Variants in CFAP70 observed in about 807,000 individuals in gnomAD.
CFAP70 encodes the protein cilia- and flagella-associated protein 70.
In CFAP70, 81 loss-of-function variants were observed where a neutral mutation model predicts 137.6. The observed-to-expected ratio is 0.59, with a 90% CI of 0.49 to 0.71. The LOEUF (loss-of-function observed/expected upper bound fraction) is 0.71. Among genes scored for constraint, CFAP70 ranks in the 30% least tolerant of loss-of-function variants. The pLI, the probability that CFAP70 is intolerant of heterozygous loss-of-function variation, is 0.00. For missense variants in CFAP70, 976 were observed against 1,226.7 expected (o/e 0.80, Z 3.05); for synonymous variants, 382 against 423.6 (o/e 0.90, Z 1.20).
Position 73,264,621 on chromosome 10 carries a change from T to C in CFAP70, c.3027+4993A>G, listed in dbSNP as rs947239796. On this transcript the variant is annotated intron_variant, in intron 25 of 26. Transcript: ENST00000310715. Reference sequence around the variant, plus strand: ...TAGTAATTTCAGAACTGCTAACTCATGACTTTGCAAAAATGAAGCCTAAAA... The same window carrying C: ...TAGTAATTTCAGAACTGCTAACTCACGACTTTGCAAAAATGAAGCCTAAAA... Among the ~76,000 whole-genome samples, 9 of 152,330 alleles carry C rather than the reference T, an allele frequency of 5.9e-5. No individual in the cohort carries two copies. In the East Asian group the frequency reaches 1.3e-3, roughly 23 times the overall value.
chr10:73,261,737 G>C (rs7894493), intron 25 of CFAP70, among the ~76,000 whole-genome samples: 15,522 of 151,768 alleles, frequency 0.1, 1,124 homozygotes, highest in East Asian at 0.29. Flanking sequence ...AAACTCCCAG[G>C]CTCAAGCGAT....
intron 10 of CFAP70, 83 bp from the exon 12 acceptor site, chr10:73,311,997 C>A: frequency 9.9e-7 from 1 of 1,011,918 alleles, no homozygotes; most frequent in Admixed American, 2.0e-5. Context: ...TACACTGCAT[C>A]AAAATGCAAA....
chr10:73,343,436 T>C (rs1023218575), intron 5 of CFAP70, among the ~76,000 whole-genome samples: 13 of 151,154 alleles, frequency 8.6e-5, no homozygotes, highest in African/African-American at 2.9e-4. Context: ...GGGCTGGGTG[T>C]GGTGGCTCAC....
chr10:73,291,279 G>A, exon 19 of CFAP70: 2 of 1,614,132 alleles, frequency 1.2e-6, no homozygotes, highest in Non-Finnish European at 1.7e-6. Context: ...GATTCCCCAA[G>A]GGCCTAAACT....
intron 19 of CFAP70, 29 bp downstream of exon 20, chr10:73,291,197 C>G (rs780016107): frequency 1.2e-6 from 2 of 1,605,366 alleles, no homozygotes; most frequent in Non-Finnish European, 1.7e-6. Context: ...TTCTAATAGC[C>G]ACTCTTCACC....
intron 11 of CFAP70, 91 bp downstream of exon 12, chr10:73,311,743 A>T (rs2049938275): frequency 3.9e-6 from 4 of 1,030,918 alleles, no homozygotes; most frequent in Non-Finnish European, 6.1e-6. Context: ...GATAACTAAC[A>T]TCCTGCCTGA....
intron 9 of CFAP70, among the ~76,000 whole-genome samples, chr10:73,320,217 A>G (rs2050730720): frequency 1.3e-5 from 2 of 152,162 alleles, no homozygotes; most frequent in South Asian, 2.1e-4. Context: ...TCATATCTTT[A>G]ATATTCATTT....
At chr10:73,253,865 T>A in exon 27 of CFAP70, 1 of 809,572 alleles carries the variant, frequency 1.2e-6, no homozygotes, top group Non-Finnish European at 1.9e-6. Context: ...GGGTCTCTGT[T>A]TATAGTGAAG....
chr10:73,311,282 G>A (rs1013085115), intron 11 of CFAP70, among the ~76,000 whole-genome samples: 5 of 152,098 alleles, frequency 3.3e-5, no homozygotes, highest in African/African-American at 1.2e-4. Flanking sequence ...CTCTCAAGCT[G>A]TTCCCTGGCT....
chr10:73,342,745 A>G (rs999220728), intron 5 of CFAP70, among the ~76,000 whole-genome samples: 1 of 152,164 alleles, frequency 6.6e-6, no homozygotes. Flanking sequence ...ACAAAAAAAG[A>G]GTTATATTTT....
chr10:73,254,169 G>T, intron 26 of CFAP70, 114 bp from the exon 28 acceptor site: 1 of 743,516 alleles, frequency 1.3e-6, no homozygotes, highest in Non-Finnish European at 2.0e-6. Context: ...TCCCTGGGAT[G>T]GAATTGGCTC....
intron 11 of CFAP70, among the ~76,000 whole-genome samples, chr10:73,311,149 G>C (rs1312407878): frequency 6.6e-6 from 1 of 152,276 alleles, no homozygotes; most frequent in African/African-American, 2.4e-5. Context: ...TCCATTACCT[G>C]ATTCAGCCTC....
rs185905384 is a variant in CFAP70, at chr10:73,356,348, G to A, written c.-39-1513C>T. 4.3e-3 allele frequency among the ~76,000 whole-genome samples: 657 copies of A among 151,868 alleles called. 5 individuals carry two copies. The highest frequency in any genetic ancestry group is 7.8e-3 in the Non-Finnish European group (531 of 67,948). On this transcript the variant is annotated intron_variant, in intron 1 of 26. Transcript: ENST00000310715. ...TGAGTAGCTGGGACTACAGGCATGC[G>A]CCACCACGCCCAGCTAATTTTTGTA...
chr10:73,360,783 G>A (rs1243364473), upstream of CFAP70, among the ~76,000 whole-genome samples: 1 of 152,094 alleles, frequency 6.6e-6, no homozygotes, highest in Non-Finnish European at 1.5e-5. Context: ...TATCCCACTT[G>A]CAAATGACAG....
At chr10:73,341,954 C>T (rs1266019418) in intron 5 of CFAP70, among the ~76,000 whole-genome samples, 1 of 152,166 alleles carries the variant, frequency 6.6e-6, no homozygotes, top group Non-Finnish European at 1.5e-5. Flanking sequence ...TACTGATTCC[C>T]TCATTAATTA....
Position 73,265,979 on chromosome 10 carries a change from T to TA in CFAP70, c.3027+3634dup, listed in dbSNP as rs149132350. Among the ~76,000 whole-genome samples, 428 of 152,252 alleles carry TA rather than the reference T, an allele frequency of 2.8e-3. 1 individual carries two copies. Among genetic ancestry groups the TA allele is most frequent in the African/African-American group, 9.9e-3 (411 of 41,548 alleles). ...ATTTTTATTGGAATTGCCTTAAACT[T>TA]AGATATTAACTTAGGGAAAACTTTC... On this transcript the variant is annotated intron_variant, in intron 25 of 26. Coordinates refer to ENST00000310715, the Ensembl canonical transcript of CFAP70.
chr10:73,342,798 C>T (rs2053362320), intron 5 of CFAP70, among the ~76,000 whole-genome samples: 1 of 152,016 alleles, frequency 6.6e-6, no homozygotes, highest in South Asian at 2.1e-4. Context: ...AAGTCTAGTC[C>T]AGTCACGGTG....
chr10:73,338,573 G>C (rs1246509370), intron 6 of CFAP70, among the ~76,000 whole-genome samples: 2 of 151,388 alleles, frequency 1.3e-5, no homozygotes, highest in South Asian at 4.2e-4. Context: ...TGAGATTACA[G>C]ATGTGTGCCA....
Position 73,275,664 on chromosome 10 carries a change from A to T in CFAP70, c.2521-66T>A. On this transcript the variant is annotated intron_variant, in intron 21 of 26. Coordinates refer to ENST00000310715, the Ensembl canonical transcript of CFAP70. The surrounding 1 kb of genome is among the most constrained non-coding windows in gnomAD (Gnocchi z 4.0). ...GCATTGCGTCTTTTTCGGTTGAAGG[A>T]TTCTGTCTCTGATAATAAATAATAC... The T allele has an allele frequency of 7.5e-7, 1 of 1,326,460 alleles. No individual in the cohort carries two copies. Among genetic ancestry groups the T allele is most frequent in the Non-Finnish European group, 1.0e-6 (1 of 992,490 alleles). 82.2% of individuals were successfully genotyped at this position (1,326,460 alleles called of 1,614,324 possible).
Sources: gnomAD v4.1 joint callset for allele counts (sites outside exome capture counted in the v4.1 genomes callset) on GRCh38, gnomAD v4.1.1 for gene constraint, Gnocchi (gnomAD v3.1) non-coding constraint, MANE v1.5 for transcripts, NCBI Gene and HGNC (gene_info 2026-07-23, HGNC 2026-07-21) for gene names.